TNIK: variants seen among roughly 807,000 people sequenced by gnomAD.
The protein encoded by TNIK is TRAF2 and NCK interacting kinase.
TNIK carries 49 observed loss-of-function variants against 191.3 expected under a neutral mutation model. The observed-to-expected ratio is 0.26, with a 90% CI of 0.20 to 0.32. The LOEUF is 0.32. Among genes scored for constraint, TNIK ranks in the 10% least tolerant of loss-of-function variants. TNIK has a pLI of 1.00. For synonymous variants in TNIK, 594 were observed against 600.9 expected, an observed-to-expected ratio of 0.99 and a Z score of 0.17; for missense variants, 1,155 against 1,702.3, an observed-to-expected ratio of 0.68 and a Z score of 5.66.
intron 2 of TNIK, among the ~76,000 whole-genome samples, chr3:171,317,227 G>A (rs1027033348): frequency 6.6e-6 from 1 of 151,972 alleles, no homozygotes; most frequent in African/African-American, 2.4e-5. Context: ...TTTGGTTTAG[G>A]TTTGAGCATG....
chr3:171,291,601 G>A (rs1405525145), intron 2 of TNIK, among the ~76,000 whole-genome samples: 3 of 152,246 alleles, frequency 2.0e-5, no homozygotes, highest in East Asian at 3.9e-4. Context: ...CCAGATGCGT[G>A]TCCATGATCA....
At chr3:171,190,817 A>T (rs770421937) in intron 5 of TNIK, 30 bp from the exon 6 acceptor site, 1 of 1,523,280 alleles carries the variant, frequency 6.6e-7, no homozygotes, top group Non-Finnish European at 8.9e-7. Flanking sequence ...AGAAGGGTTA[A>T]TAGGAACATA....
In TNIK at chr3:171,110,826, C is replaced by T; in HGVS notation, c.2172G>A (p.Arg724=). The T allele has an allele frequency of 1.2e-6, 2 of 1,605,042 alleles. No homozygotes were observed. Among genetic ancestry groups the T allele is most frequent in the Non-Finnish European group, 8.5e-7 (1 of 1,176,358 alleles). Residue 724 remains arginine (R), a synonymous_variant, in exon 19 of 33, where the codon AGG becomes AGA. Coordinates refer to ENST00000436636, the MANE Select transcript of TNIK (RefSeq NM_015028.4). ...TEPILESPLQ[R]TSSGSSSSSS... ...AGCTGGAGGAACTGCCACTGCTGGT[C>T]CTCTGCAAGGGGCTCTCCAAGATGG...
intron 15 of TNIK, among the ~76,000 whole-genome samples, chr3:171,137,453 T>A (rs1157471700): frequency 6.6e-6 from 1 of 152,232 alleles, no homozygotes; most frequent in East Asian, 1.9e-4. Flanking sequence ...CAGCGTGTTA[T>A]GCACATGACC....
intron 1 of TNIK, among the ~76,000 whole-genome samples, chr3:171,459,568 T>C (rs577194107): frequency 1.3e-5 from 2 of 152,008 alleles, no homozygotes; most frequent in Admixed American, 1.3e-4. Flanking sequence ...ATCTTGCAGG[T>C]AGCTGGAAAA....
intron 1 of TNIK, among the ~76,000 whole-genome samples, chr3:171,414,953 G>A (rs934172843): frequency 6.6e-6 from 1 of 152,182 alleles, no homozygotes; most frequent in Non-Finnish European, 1.5e-5. Flanking sequence ...GCATCAGCCT[G>A]CTGGGATTCC....
intron 1 of TNIK, among the ~76,000 whole-genome samples, chr3:171,430,597 C>T (rs1725245074): frequency 6.8e-6 from 1 of 147,128 alleles, no homozygotes. Context: ...TAAGATTGTG[C>T]CACTGCATTC....
intron 28 of TNIK, among the ~76,000 whole-genome samples, chr3:171,078,226 A>G (rs60572997): frequency 0.11 from 16,145 of 152,044 alleles, 969 homozygotes; most frequent in Middle Eastern, 0.16. Flanking sequence ...AAGGCTTTTA[A>G]TTCTAGATAC....
At chr3:171,415,563 CAA>C (rs1300157854) in intron 1 of TNIK, among the ~76,000 whole-genome samples, 2 of 151,684 alleles carry the variant, frequency 1.3e-5, no homozygotes, top group African/African-American at 4.8e-5. Flanking sequence ...GATAAATGCA[CAA>C]AAAAAATTAG....
At chr3:171,456,757 T>C (rs1227854357) in intron 1 of TNIK, among the ~76,000 whole-genome samples, 1 of 152,226 alleles carries the variant, frequency 6.6e-6, no homozygotes, top group Admixed American at 6.5e-5. Context: ...TCTCAATAAA[T>C]AAAATTCCCT....
At chr3:171,162,328 G>T (rs564982156) in intron 10 of TNIK, among the ~76,000 whole-genome samples, 147 of 152,264 alleles carry the variant, frequency 9.7e-4, no homozygotes, top group African/African-American at 3.5e-3. Flanking sequence ...GGAGGCTGAG[G>T]CAGGAGAATG....
chr3:171,265,910 T>C (rs936666689), intron 2 of TNIK, among the ~76,000 whole-genome samples: 10 of 152,182 alleles, frequency 6.6e-5, no homozygotes, highest in African/African-American at 2.4e-4. Context: ...GAATCTGCAG[T>C]TGGCTGTTCA....
intron 15 of TNIK, among the ~76,000 whole-genome samples, chr3:171,133,596 A>G (rs1034955739): frequency 1.3e-5 from 2 of 152,234 alleles, no homozygotes; most frequent in African/African-American, 2.4e-5. Context: ...GCCCTAGGTC[A>G]GGCAGGCAGG....
At chr3:171,256,789 G>A (rs1392165954) in intron 2 of TNIK, among the ~76,000 whole-genome samples, 1 of 152,038 alleles carries the variant, frequency 6.6e-6, no homozygotes, top group Non-Finnish European at 1.5e-5. Context: ...TTGAGTTTGA[G>A]GCCAGGGATC....
intron 1 of TNIK, among the ~76,000 whole-genome samples, chr3:171,411,707 G>A (rs1722449933): frequency 6.6e-6 from 1 of 152,180 alleles, no homozygotes; most frequent in African/African-American, 2.4e-5. Flanking sequence ...AAATCAGGAT[G>A]AGAAATCAAT....
At chr3:171,398,808 G>A (rs918847498) in intron 1 of TNIK, among the ~76,000 whole-genome samples, 2 of 152,100 alleles carry the variant, frequency 1.3e-5, no homozygotes, top group Non-Finnish European at 2.9e-5. Context: ...CTGCAGTTTT[G>A]CACACACTAT....
intron 1 of TNIK, among the ~76,000 whole-genome samples, chr3:171,381,399 C>T (rs1284544029): frequency 6.6e-6 from 1 of 152,174 alleles, no homozygotes; most frequent in Non-Finnish European, 1.5e-5. Flanking sequence ...CAAAGCTTTT[C>T]ATATTTTCCT....
intron 28 of TNIK, among the ~76,000 whole-genome samples, chr3:171,074,879 G>A (rs566667185): frequency 6.6e-6 from 1 of 152,206 alleles, no homozygotes; most frequent in Admixed American, 6.5e-5. Context: ...AAATTAAGCT[G>A]GTCTCAAGTT....
intron 15 of TNIK, among the ~76,000 whole-genome samples, chr3:171,130,558 C>T (rs1333848176): frequency 6.6e-6 from 1 of 152,152 alleles, no homozygotes; most frequent in African/African-American, 2.4e-5. Flanking sequence ...ACAAAGCCAG[C>T]TTTGAGATAA....
Sources: gnomAD v4.1 joint callset for allele counts (sites outside exome capture counted in the v4.1 genomes callset) on GRCh38, gnomAD v4.1.1 for gene constraint, MANE v1.5 for transcripts, NCBI Gene and HGNC (gene_info 2026-07-23, HGNC 2026-07-21) for gene names.